Variants in CTNNA3 observed in about 807,000 individuals in gnomAD.
CTNNA3 encodes the protein catenin alpha-3.
Under a neutral mutation model 95.7 loss-of-function variants are expected in CTNNA3, and 76 were observed. That is an observed-to-expected ratio of 0.79 (90% CI 0.66 to 0.96). The LOEUF (loss-of-function observed/expected upper bound fraction) is 0.96, where lower values mean the gene tolerates loss of function less well. CTNNA3 is among the 40% of genes least tolerant of loss of function. The pLI, the probability that CTNNA3 is intolerant of heterozygous loss-of-function variation, is 0.00. For synonymous variants in CTNNA3, 431 were observed against 374.4 expected (o/e 1.15, Z -1.74); for missense variants, 1,191 against 1,089.8 (o/e 1.09, Z -1.31).
intron 3 of CTNNA3, among the ~76,000 whole-genome samples, chr10:67,595,329 T>A (rs995976019): frequency 2.6e-5 from 4 of 152,218 alleles, no homozygotes; most frequent in Admixed American, 1.3e-4. Context: ...TTCTGGTACA[T>A]TGTATCTTTG....
chr10:66,389,725 G>C (rs2132525293), intron 11 of CTNNA3, among the ~76,000 whole-genome samples: 1 of 18,132 alleles, frequency 5.5e-5, no homozygotes, highest in South Asian at 6.7e-3. Context: ...TATATATATG[G>C]AGAGAGAGAG....
At position 67,647,559 on chromosome 10, in the gene CTNNA3, C is replaced by G. The variant is rs370277374; in HGVS notation, c.-5-41G>C. ...AAAGGATGCTTATTAATAAAGAAAACTGTTTTCTAAAGAAGAACACTTATG... is the reference window on the plus strand; with the variant it reads ...AAAGGATGCTTATTAATAAAGAAAAGTGTTTTCTAAAGAAGAACACTTATG... On this transcript the variant is annotated intron_variant, in intron 1 of 17. Coordinates refer to ENST00000433211, the MANE Select transcript of CTNNA3 (RefSeq NM_013266.4). 9 of 1,521,962 alleles carry G rather than the reference C, an allele frequency of 5.9e-6. No individual in the cohort carries two copies. The African/African-American group carries it at 6.9e-5, about 12-fold the overall frequency. 94.3% of individuals were successfully genotyped at this position (1,521,962 alleles called of 1,614,324 possible).
At chr10:66,013,447 T>C (rs2079041202) in intron 15 of CTNNA3, among the ~76,000 whole-genome samples, 2 of 152,328 alleles carry the variant, frequency 1.3e-5, no homozygotes, top group South Asian at 4.1e-4. Context: ...TCTTAGAGCA[T>C]GTGCATGATC....
intron 7 of CTNNA3, among the ~76,000 whole-genome samples, chr10:67,052,016 A>G (rs1304094581): frequency 2.0e-5 from 3 of 151,976 alleles, no homozygotes; most frequent in Non-Finnish European, 4.4e-5. Context: ...CAGCCTCCCA[A>G]AGTGCTGGGA....
At chr10:67,633,447 G>A (rs1234781376) in intron 2 of CTNNA3, among the ~76,000 whole-genome samples, 1 of 152,128 alleles carries the variant, frequency 6.6e-6, no homozygotes, top group African/African-American at 2.4e-5. Flanking sequence ...CTCCCAACAG[G>A]AGTCTACAGA....
intron 5 of CTNNA3, among the ~76,000 whole-genome samples, chr10:67,467,409 T>C (rs934460103): frequency 3.9e-5 from 6 of 152,124 alleles, no homozygotes; most frequent in African/African-American, 1.4e-4. Flanking sequence ...TCCTTCACAG[T>C]TTTCCCTACT....
intron 11 of CTNNA3, among the ~76,000 whole-genome samples, chr10:66,499,615 T>C (rs1370906640): frequency 6.6e-6 from 1 of 152,114 alleles, no homozygotes; most frequent in Non-Finnish European, 1.5e-5. Flanking sequence ...CTAGAGGATA[T>C]ATAAAACTAA....
chr10:67,476,604 C>T (rs1284095179), intron 5 of CTNNA3, among the ~76,000 whole-genome samples: 1 of 152,018 alleles, frequency 6.6e-6, no homozygotes, highest in Non-Finnish European at 1.5e-5. Context: ...CCTGAGCTGC[C>T]CCACCCTTCC....
intron 5 of CTNNA3, among the ~76,000 whole-genome samples, chr10:67,222,466 A>G (rs1295588168): frequency 6.6e-6 from 1 of 152,234 alleles, no homozygotes; most frequent in African/African-American, 2.4e-5. Flanking sequence ...AGTACATAGC[A>G]CATCAGAAAT....
At chr10:66,177,177 G>C (rs2085757986) in intron 13 of CTNNA3, among the ~76,000 whole-genome samples, 1 of 151,992 alleles carries the variant, frequency 6.6e-6, no homozygotes, top group Non-Finnish European at 1.5e-5. Flanking sequence ...AGATTTTTAA[G>C]CTTTTCCTGA....
chr10:67,041,809 G>A (rs931665474), intron 7 of CTNNA3, among the ~76,000 whole-genome samples: 3 of 152,044 alleles, frequency 2.0e-5, no homozygotes, highest in African/African-American at 7.2e-5. Context: ...AGGAAAGAAT[G>A]ACAATAAAGT....
At chr10:66,823,927 C>A (rs1412700778) in intron 7 of CTNNA3, among the ~76,000 whole-genome samples, 1 of 151,874 alleles carries the variant, frequency 6.6e-6, no homozygotes, top group Non-Finnish European at 1.5e-5. Context: ...CTCCAAGGGT[C>A]TTAAAGCTCA....
intron 7 of CTNNA3, among the ~76,000 whole-genome samples, chr10:66,790,657 C>T (rs1316430536): frequency 6.6e-6 from 1 of 152,118 alleles, no homozygotes; most frequent in African/African-American, 2.4e-5. Context: ...CCATTAATTA[C>T]TGGTAATTAT....
chr10:65,998,872 T>C (rs2078716818), intron 15 of CTNNA3, among the ~76,000 whole-genome samples: 1 of 152,170 alleles, frequency 6.6e-6, no homozygotes, highest in Middle Eastern at 3.2e-3. Flanking sequence ...CAAAGAACTC[T>C]ATACCTGAAA....
At position 66,257,975 on chromosome 10, in the gene CTNNA3, T is replaced by C. The variant is rs191571713; in HGVS notation, c.1884+22495A>G. On this transcript the variant is annotated intron_variant, in intron 13 of 17. Transcript: ENST00000433211. The stretch of plus-strand genomic sequence containing the variant: ...TGTACAATCAGATAGCCAATTTTTG[T>C]TTGCTTTTGAATGGCAAATAACTTA... Among the ~76,000 whole-genome samples, 3 of 152,310 alleles carry C rather than the reference T, an allele frequency of 2.0e-5. No individual in the cohort carries two copies. The East Asian group carries it at 5.8e-4, about 29-fold the overall frequency.
intron 7 of CTNNA3, among the ~76,000 whole-genome samples, chr10:66,840,364 TCTCTCTCTCACA>T (rs1270875909): frequency 2.5e-3 from 228 of 92,876 alleles, no homozygotes; most frequent in South Asian, 5.2e-3. Context: ...TCTCTCTCTC[TCTCTCTCTCACA>T]CACACACACA....
chr10:67,670,758 C>G (rs570229266), intron 1 of CTNNA3, among the ~76,000 whole-genome samples: 1 of 152,104 alleles, frequency 6.6e-6, no homozygotes, highest in Non-Finnish European at 1.5e-5. Context: ...AGTCTATATT[C>G]CCTGTTCTCA....
intron 1 of CTNNA3, among the ~76,000 whole-genome samples, chr10:67,729,999 A>T (rs1157638325): frequency 6.6e-6 from 1 of 152,162 alleles, no homozygotes; most frequent in Non-Finnish European, 1.5e-5. Flanking sequence ...TAAGAGGAAA[A>T]TGTTAGAGTT....
At chr10:67,282,043 A>G (rs1839418954) in intron 5 of CTNNA3, among the ~76,000 whole-genome samples, 1 of 152,168 alleles carries the variant, frequency 6.6e-6, no homozygotes, top group African/African-American at 2.4e-5. Context: ...TTTCATTTTA[A>G]TGATAATACC....
Sources: allele counts gnomAD v4.1 joint callset (sites outside exome capture counted in the v4.1 genomes callset), GRCh38; gene constraint gnomAD v4.1.1; transcripts MANE v1.5; gene names NCBI Gene and HGNC (gene_info 2026-07-23, HGNC 2026-07-21).